The following SYNE1 variants were observed in gnomAD, a reference collection of about 807,000 sequenced individuals.
SYNE1 encodes the protein spectrin repeat containing nuclear envelope protein 1.
Under a neutral mutation model 1,111.0 loss-of-function variants are expected in SYNE1, and 616 were observed. The observed-to-expected ratio is 0.55, with a 90% CI of 0.52 to 0.59. The LOEUF (loss-of-function observed/expected upper bound fraction) is 0.59. Ranked by LOEUF, SYNE1 falls within the 20% of genes least tolerant of loss-of-function variation. The pLI, the probability that SYNE1 is intolerant of heterozygous loss-of-function variation, is 0.00. For synonymous variants in SYNE1, 3,855 were observed against 3,825.8 expected, an observed-to-expected ratio of 1.01 and a Z score of -0.28; for missense variants, 10,006 against 10,417.0, an observed-to-expected ratio of 0.96 and a Z score of 1.72.
At chr6:152,390,591 T>C (rs945707631) in intron 52 of SYNE1, 139 bp from the exon 53 acceptor site, 1 of 794,778 alleles carries the variant, frequency 1.3e-6, no homozygotes. Context: ...CTGGGCCCTA[T>C]TGCAATATAA....
intron 95 of SYNE1, among the ~76,000 whole-genome samples, chr6:152,287,433 A>G (rs1330847302): frequency 6.6e-6 from 1 of 152,138 alleles, no homozygotes; most frequent in African/African-American, 2.4e-5. Flanking sequence ...AAATCTCCCT[A>G]TCTGGTAGGA....
At chr6:152,439,171 T>A (rs995782964) in intron 32 of SYNE1, among the ~76,000 whole-genome samples, 2 of 152,212 alleles carry the variant, frequency 1.3e-5, no homozygotes, top group Non-Finnish European at 2.9e-5. Context: ...TCCCAAAGCA[T>A]AGAAGACCAT....
At chr6:152,408,384 A>G (rs2097938643) in intron 44 of SYNE1, among the ~76,000 whole-genome samples, 1 of 152,244 alleles carries the variant, frequency 6.6e-6, no homozygotes, top group South Asian at 2.1e-4. Flanking sequence ...ATGTTTTCCA[A>G]TGCAAAATTA....
intron 95 of SYNE1, among the ~76,000 whole-genome samples, chr6:152,286,316 C>T (rs1338005748): frequency 6.6e-6 from 1 of 152,064 alleles, no homozygotes; most frequent in Non-Finnish European, 1.5e-5. Context: ...CAAAAATCAC[C>T]ACTGTGTTAA....
In SYNE1 at chr6:152,511,025, T is replaced by A; in HGVS notation, c.388A>T (p.Ile130Phe). The A allele has an allele frequency of 1.2e-6, 2 of 1,613,920 alleles. No individual in the cohort carries two copies. The highest frequency in any genetic ancestry group is 1.7e-6 in the Non-Finnish European group (2 of 1,179,820). ...TAGCACAATACCTGGAAATATAGAATAATGGTCCACATCAATCCAAGAACT... is the reference window on the plus strand; with the variant it reads ...TAGCACAATACCTGGAAATATAGAAAAATGGTCCACATCAATCCAAGAACT... ...SIVLGLMWTI[I>F]LYFQIEELTS... is the part of the protein sequence containing the mutation. The change falls in exon 7 of 146, where the codon ATT (isoleucine) becomes TTT (phenylalanine). Residue 130 changes from isoleucine to phenylalanine, a missense_variant. Physicochemically the swap from Ile to Phe is conservative, Grantham distance 21. Coordinates refer to ENST00000367255, the MANE Select transcript of SYNE1 (RefSeq NM_182961.4).
At position 152,225,946 on chromosome 6, in the gene SYNE1, C is replaced by T. The variant is rs2081478747; in HGVS notation, c.21196-70G>A. 2.7e-6 allele frequency: 4 copies of T among 1,502,914 alleles called. No individual in the cohort carries two copies. In the Admixed American group the frequency reaches 7.2e-5, roughly 27 times the overall value. 93.1% of individuals were successfully genotyped at this position (1,502,914 alleles called of 1,614,324 possible). The stretch of plus-strand genomic sequence containing the variant: ...AACTCTGGGGTGCACTGAAATTGGG[C>T]CATTATAGTTTCATGTCCTAAAAAC... On this transcript the variant is annotated intron_variant, in intron 115 of 145. Transcript: ENST00000367255.
rs114553846 is a variant in SYNE1 at position 152,269,967 on chromosome 6, T to C, written c.18574-681A>G. On this transcript the variant is annotated intron_variant, in intron 98 of 145. Coordinates refer to ENST00000367255, the MANE Select transcript of SYNE1 (RefSeq NM_182961.4). The stretch of plus-strand genomic sequence containing the variant: ...GGTTTCCCAGGCCGGCTGGACATCC[T>C]CTGTTCCACCTTTCACAGACCAGGT... Among the ~76,000 whole-genome samples the C allele has an allele frequency of 7.4e-3, 1,126 of 152,246 alleles. 14 individuals are homozygous for C. Among genetic ancestry groups the C allele is most frequent in the African/African-American group, 0.025 (1,047 of 41,552 alleles).
At chr6:152,494,526 C>A (rs1002320038) in intron 11 of SYNE1, among the ~76,000 whole-genome samples, 1 of 152,164 alleles carries the variant, frequency 6.6e-6, no homozygotes, top group Non-Finnish European at 1.5e-5. Flanking sequence ...GTATCTTCCA[C>A]ATCTATCATT....
chr6:152,145,488 G>A lies in SYNE1; in HGVS notation c.24977-1723C>T, dbSNP rs151017758. The A allele has an allele frequency of 5.6e-6, 9 of 1,613,734 alleles. No individual in the cohort carries two copies. In the East Asian group the frequency reaches 6.7e-5, roughly 12 times the overall value. On this transcript the variant is annotated intron_variant, in intron 137 of 145. Transcript: ENST00000367255. ...CTGGCTCCGGCTTGTTGTGCCTACCGGAGGTATTTTTGATTGCATTTTCTG... is the reference window on the plus strand; with the variant it reads ...CTGGCTCCGGCTTGTTGTGCCTACCAGAGGTATTTTTGATTGCATTTTCTG...
At chr6:152,219,676 C>G (rs1432324044) in intron 119 of SYNE1, among the ~76,000 whole-genome samples, 1 of 152,100 alleles carries the variant, frequency 6.6e-6, no homozygotes, top group Non-Finnish European at 1.5e-5. Flanking sequence ...TATGTGTGGT[C>G]ACATTATTGC....
intron 3 of SYNE1, among the ~76,000 whole-genome samples, chr6:152,601,918 G>A (rs768174319): frequency 9.9e-5 from 15 of 152,094 alleles, no homozygotes; most frequent in Non-Finnish European, 1.9e-4. Context: ...GGTTCACCTG[G>A]CCATTCTCAT....
chr6:152,148,170 T>G lies in SYNE1; in HGVS notation c.24851A>C (p.Glu8284Ala). 1 of 1,614,184 alleles carries G rather than the reference T, an allele frequency of 6.2e-7. No individual in the cohort carries two copies. ...TPASVDSIPL[E>A]WDHDYDLSRD... ...ACTGAGGTCATAGTCGTGATCCCAC[T>G]CCAGGGGGATGGAGTCCACACTAGC... The change falls in exon 137 of 146, where the codon GAG (glutamate) becomes GCG (alanine). Residue 8284 changes from glutamate (E) to alanine (A), a missense_variant. By Grantham distance (107) the Glu-to-Ala change is moderately radical. Transcript: ENST00000367255. The surrounding 1 kb of genome is among the most constrained non-coding windows in gnomAD (Gnocchi z 4.1).
chr6:152,533,514 C>T (rs2099216021), intron 4 of SYNE1, among the ~76,000 whole-genome samples: 1 of 152,140 alleles, frequency 6.6e-6, no homozygotes, highest in Admixed American at 6.5e-5. Flanking sequence ...ATATCTGATT[C>T]ATCAACAAAT....
chr6:152,308,812 C>A (rs1219935678), intron 90 of SYNE1, among the ~76,000 whole-genome samples, 180 bp from the exon 91 acceptor site: 1 of 152,136 alleles, frequency 6.6e-6, no homozygotes, highest in Non-Finnish European at 1.5e-5. Context: ...AACTTTCTCT[C>A]TAAAATGTTG....
chr6:152,441,279 G>GA lies in SYNE1; in HGVS notation c.4009-10dup, dbSNP rs774535097. 9 of 1,600,134 alleles carry GA rather than the reference G, an allele frequency of 5.6e-6. No individual in the cohort carries two copies. In the African/African-American group the frequency reaches 1.1e-4, roughly 19 times the overall value. On this transcript the variant is annotated splice_polypyrimidine_tract_variant and intron_variant, in intron 31 of 145. Coordinates refer to ENST00000367255, the MANE Select transcript of SYNE1 (RefSeq NM_182961.4). ...CATTTTCTTAATGTGACCTAAATTT[G>GA]AAAAAATAAACAACAAATGGGTTAC...
intron 73 of SYNE1, among the ~76,000 whole-genome samples, chr6:152,344,532 A>G (rs1386320296): frequency 6.6e-6 from 1 of 152,222 alleles, no homozygotes; most frequent in Admixed American, 6.5e-5. Flanking sequence ...ATTGAAGTTA[A>G]TTGTCATAAA....
At chr6:152,234,881 C>G (rs758784150) in intron 110 of SYNE1, 81 bp from the exon 111 acceptor site, 1 of 1,513,202 alleles carries the variant, frequency 6.6e-7, no homozygotes, top group Non-Finnish European at 9.1e-7. Context: ...CCAATGCCAA[C>G]AGTTTTAAAA....
rs768444036 is a variant in SYNE1 at position 152,143,717 on chromosome 6, A to G, written c.25025T>C (p.Leu8342Pro). Residue 8342 changes from leucine to proline, a missense_variant, in exon 138 of 146, where the codon CTG becomes CCG. Around this residue, in one of 7 missense-constraint regions of SYNE1, gnomAD observed 761 missense variants for 795.5 expected, o/e 0.96. Transcript: ENST00000367255. The stretch of plus-strand genomic sequence containing the variant: ...CTGTATCTGAAAACGGCTATCATCC[A>G]GGGCTTTGCCCAGTTGTCGGATCTG... ...ESQIRQLGKA[L>P]DDSRFQIQQT... 6.2e-7 allele frequency: 1 copy of G among 1,614,208 alleles called. No homozygotes were observed. Among genetic ancestry groups the G allele is most frequent in the Non-Finnish European group, 8.5e-7 (1 of 1,180,048 alleles).
intron 130 of SYNE1, among the ~76,000 whole-genome samples, chr6:152,170,029 C>G (rs901364398): frequency 4.6e-5 from 7 of 151,958 alleles, no homozygotes; most frequent in African/African-American, 1.7e-4. Context: ...TTGATTATGA[C>G]TAACATTTTA....
Sources: allele counts gnomAD v4.1 joint callset (sites outside exome capture counted in the v4.1 genomes callset), GRCh38; gene constraint gnomAD v4.1.1; regional missense constraint gnomAD v4.1.1; non-coding constraint Gnocchi (gnomAD v3.1); transcripts MANE v1.5; gene names NCBI Gene and HGNC (gene_info 2026-07-23, HGNC 2026-07-21).